ZNF468: variants seen among roughly 807,000 people sequenced by gnomAD.
ZNF468 encodes the protein zinc finger protein ZNF468.
In ZNF468, 8 loss-of-function variants were observed where a neutral mutation model predicts 7.2. The ratio of observed to expected loss-of-function variants is 1.11; its 90% CI spans 0.65 to 2.01. ZNF468 has a LOEUF of 2.01. ZNF468 is among the 30% of genes most tolerant of loss of function. The pLI is 0.00. For missense variants in ZNF468, 608 were observed against 626.5 expected (o/e 0.97, Z 0.31); for synonymous variants, 218 against 214.4 (o/e 1.02, Z -0.15).
In ZNF468 at chr19:52,842,094, T is replaced by C. The variant is rs749691791; in HGVS notation, c.200A>G (p.Glu67Gly). 2.5e-6 allele frequency: 4 copies of C among 1,611,978 alleles called. No individual in the cohort carries two copies. Among genetic ancestry groups the C allele is most frequent in the Non-Finnish European group, 3.4e-6 (4 of 1,178,918 alleles). The change falls in exon 4 of 4, where the codon GAA becomes GGA. Residue 67 changes from glutamate (E) to glycine (G), a missense_variant. Coordinates refer to ENST00000595646, the MANE Select transcript of ZNF468 (RefSeq NM_001008801.2). ...TLSSTGQGNT[E>G]VIHTGTLHRQ... Reference sequence around the variant, plus strand: ...GTGCAATGTCCCTGTGTGGATCACTTCTGTATTGCCTTGCCCTGTTGACGA... The same window carrying C: ...GTGCAATGTCCCTGTGTGGATCACTCCTGTATTGCCTTGCCCTGTTGACGA...
chr19:52,848,291 C>T (rs1237667894), intron 3 of ZNF468, among the ~76,000 whole-genome samples: 1 of 152,140 alleles, frequency 6.6e-6, no homozygotes, highest in East Asian at 1.9e-4. Context: ...CAGAAAGAGA[C>T]TCCTGCTTAT....
intron 3 of ZNF468, among the ~76,000 whole-genome samples, chr19:52,843,727 G>A (rs1011728963): frequency 6.6e-6 from 1 of 152,166 alleles, no homozygotes; most frequent in Non-Finnish European, 1.5e-5. Flanking sequence ...GCCAAAACTT[G>A]TACTTATCAC....
chr19:52,850,601 A>G (rs1600528074), intron 2 of ZNF468, among the ~76,000 whole-genome samples: 1 of 152,272 alleles, frequency 6.6e-6, no homozygotes, highest in East Asian at 1.9e-4. Flanking sequence ...AGAGGAGCAC[A>G]AAAAATAACT....
chr19:52,842,213 G>A, intron 3 of ZNF468, 62 bp from the exon 4 acceptor site: 3 of 1,338,700 alleles, frequency 2.2e-6, no homozygotes. Context: ...ATACTGAAAT[G>A]TGTAAATATC....
intron 3 of ZNF468, among the ~76,000 whole-genome samples, chr19:52,847,504 G>A (rs966887160): frequency 2.6e-5 from 4 of 151,060 alleles, no homozygotes; most frequent in Admixed American, 6.6e-5. Context: ...GTGAAAGAGG[G>A]AGGCCTCTTT....
chr19:52,846,994 C>T (rs2063346083), intron 3 of ZNF468, among the ~76,000 whole-genome samples: 1 of 148,736 alleles, frequency 6.7e-6, no homozygotes, highest in Non-Finnish European at 1.5e-5. Flanking sequence ...GAGTGAGACT[C>T]TGTCATAAAA....
intron 2 of ZNF468, among the ~76,000 whole-genome samples, chr19:52,850,056 A>C (rs779010467): frequency 2.0e-5 from 3 of 152,176 alleles, no homozygotes; most frequent in Non-Finnish European, 4.4e-5. Context: ...TTCAAAATAC[A>C]AAAGATTTTC....
rs1234550882 is a variant in ZNF468, at chr19:52,839,721, T to G, written c.*1004A>C. 1 of 526,166 alleles carries G rather than the reference T, an allele frequency of 1.9e-6. No homozygotes were observed. The highest frequency in any genetic ancestry group is 2.1e-5 in the Admixed American group (1 of 47,082). The allele number at this position is 526,166 out of a possible 1,614,324, so 32.6% of individuals were successfully genotyped here. ...ACACTTGTGAGGTTTCTCTCCTGTA[T>G]GAATCCTCCTATGTTTTGCATAGGA... On this transcript the variant is annotated 3_prime_UTR_variant, in exon 4 of 4. Coordinates refer to ENST00000595646, the MANE Select transcript of ZNF468 (RefSeq NM_001008801.2).
Position 52,840,191 on chromosome 19 carries a change from T to C in ZNF468, c.*534A>G, listed in dbSNP as rs1286488644. On this transcript the variant is annotated 3_prime_UTR_variant, in exon 4 of 4. Coordinates refer to ENST00000595646, the MANE Select transcript of ZNF468 (RefSeq NM_001008801.2). Reference sequence around the variant, plus strand: ...ATTTGTGAATGAAAACTTTGTCACATTGTTCACGTTTGTAAGATTTCTATG... The same window carrying C: ...ATTTGTGAATGAAAACTTTGTCACACTGTTCACGTTTGTAAGATTTCTATG... 9 of 377,876 alleles carry C rather than the reference T, an allele frequency of 2.4e-5. No homozygotes were observed. The highest frequency in any genetic ancestry group is 2.1e-4 in the East Asian group (3 of 14,112). The allele number at this position is 377,876 out of a possible 1,614,324, so 23.4% of individuals were successfully genotyped here.
At chr19:52,851,090 T>G (rs1015213871) in intron 2 of ZNF468, among the ~76,000 whole-genome samples, 1 of 151,824 alleles carries the variant, frequency 6.6e-6, no homozygotes. Context: ...ATGGCCAAAA[T>G]GGTGAAACAC....
rs768369647 is a variant in ZNF468 at position 52,840,500 on chromosome 19, C to T, written c.*225G>A. On this transcript the variant is annotated 3_prime_UTR_variant, in exon 4 of 4. Transcript: ENST00000595646. Reference sequence around the variant, plus strand: ...ATGGTTTCTCTTCAATGTGAATTTTCTTATGTGTTTTAAGGTTTGATTTAC... The same window carrying T: ...ATGGTTTCTCTTCAATGTGAATTTTTTTATGTGTTTTAAGGTTTGATTTAC... The T allele has an allele frequency of 6.6e-5, 62 of 938,500 alleles. No individual in the cohort carries two copies. Among genetic ancestry groups the T allele is most frequent in the Non-Finnish European group, 8.2e-5 (50 of 607,418 alleles). The allele number at this position is 938,500 out of a possible 1,614,324, so 58.1% of individuals were successfully genotyped here.
intron 2 of ZNF468, among the ~76,000 whole-genome samples, chr19:52,851,732 C>A (rs1209612073): frequency 1.3e-5 from 2 of 151,956 alleles, no homozygotes; most frequent in Non-Finnish European, 2.9e-5. Flanking sequence ...CAGAGTGAGA[C>A]CTTCTCTCAA....
intron 3 of ZNF468, chr19:52,846,579 A>G (rs2063343422): frequency 6.5e-6 from 1 of 154,874 alleles, no homozygotes; most frequent in Non-Finnish European, 1.4e-5. Context: ...ACCTCTGCCC[A>G]AATATCTGTA....
At chr19:52,844,977 G>A (rs1460316844) in intron 3 of ZNF468, among the ~76,000 whole-genome samples, 1 of 152,150 alleles carries the variant, frequency 6.6e-6, no homozygotes, top group Non-Finnish European at 1.5e-5. Context: ...TGCAATACTT[G>A]AAGCCATCTA....
rs772747258 is a variant in ZNF468 at position 52,854,078 on chromosome 19, T to C, written c.15+180A>G. The C allele has an allele frequency of 9.2e-6, 14 of 1,523,560 alleles. No individual in the cohort carries two copies. In the African/African-American group the frequency reaches 1.4e-4, roughly 15 times the overall value. The allele number at this position is 1,523,560 out of a possible 1,614,324, so 94.4% of individuals were successfully genotyped here. A position where few individuals can be genotyped will look rare whatever the true frequency, so the allele number is the denominator to read the frequency against. On this transcript the variant is annotated intron_variant, in intron 2 of 3. Transcript: ENST00000595646. ...CTGCCCAGTGCAGCCTCTTCCCAAG[T>C]TCATGACACTGGGTCACGAGAGACG...
intron 2 of ZNF468, among the ~76,000 whole-genome samples, chr19:52,850,132 G>A (rs540409365): frequency 4.6e-5 from 7 of 152,074 alleles, no homozygotes; most frequent in East Asian, 1.9e-4. Flanking sequence ...GTGGGGATGT[G>A]TATGTACATA....
intron 1 of ZNF468, among the ~76,000 whole-genome samples, chr19:52,856,299 T>A (rs1242549434): frequency 3.3e-5 from 5 of 151,984 alleles, no homozygotes; most frequent in Non-Finnish European, 7.4e-5. Flanking sequence ...GGTGGGTGGA[T>A]TACCTGAGGT....
Position 52,839,257 on chromosome 19 carries a change from A to AC in ZNF468, c.*1467_*1468insG, listed in dbSNP as rs886418310. 15 of 176,962 alleles carry AC rather than the reference A, an allele frequency of 8.5e-5. No individual in the cohort carries two copies. Among genetic ancestry groups the AC allele is most frequent in the Non-Finnish European group, 1.6e-4 (13 of 83,618 alleles). 11.0% of individuals were successfully genotyped at this position (176,962 alleles called of 1,614,324 possible). A position where few individuals can be genotyped will look rare whatever the true frequency, so the allele number is the denominator to read the frequency against. ...ACAGAGCAAGACTCCATCTCAAAAA[A>AC]AAAACAAGAAAAAGAAAATAAAGGC... On this transcript the variant is annotated 3_prime_UTR_variant, in exon 4 of 4. Transcript: ENST00000595646.
At chr19:52,853,382 A>G (rs1189055767) in intron 2 of ZNF468, among the ~76,000 whole-genome samples, 4 of 152,094 alleles carry the variant, frequency 2.6e-5, no homozygotes, top group Non-Finnish European at 5.9e-5. Context: ...AAATATAACC[A>G]TTTATATTTA....
Sources: allele counts gnomAD v4.1 joint callset (sites outside exome capture counted in the v4.1 genomes callset), GRCh38; gene constraint gnomAD v4.1.1; transcripts MANE v1.5; gene names NCBI Gene and HGNC (gene_info 2026-07-23, HGNC 2026-07-21).